PDE4D: variants seen among roughly 807,000 people sequenced by gnomAD.
PDE4D encodes phosphodiesterase 4D, also known as 3',5'-cyclic-AMP phosphodiesterase 4D.
PDE4D carries 24 observed loss-of-function variants against 87.4 expected under a neutral mutation model. The observed-to-expected ratio is 0.27, with a 90% CI of 0.20 to 0.39. The LOEUF is 0.39. Ranked by LOEUF, PDE4D falls within the 10% of genes least tolerant of loss-of-function variation. The pLI, the probability that PDE4D is intolerant of heterozygous loss-of-function variation, is 1.00. For synonymous variants in PDE4D, 384 were observed against 383.2 expected (o/e 1.00, Z -0.02); for missense variants, 714 against 1,041.0 (o/e 0.69, Z 4.32).
At chr5:59,512,127 A>G (rs555286251) in intron 1 of PDE4D, among the ~76,000 whole-genome samples, 1 of 152,282 alleles carries the variant, frequency 6.6e-6, no homozygotes, top group South Asian at 2.1e-4. Flanking sequence ...TTAATGACTC[A>G]GTGTTAAGTG....
rs187950957 is a variant in PDE4D at position 59,348,989 on chromosome 5, G to A, written c.456-133021C>T. Among the ~76,000 whole-genome samples, 324 of 152,186 alleles carry A rather than the reference G, an allele frequency of 2.1e-3. 2 individuals carry two copies. Among genetic ancestry groups the A allele is most frequent in the African/African-American group, 7.5e-3 (310 of 41,538 alleles). ...CTAGCTACCCAGGAGGCTGTGGCTGGAGGATCCCTTGAGCCTAGGAGTTTG... is the reference window on the plus strand; with the variant it reads ...CTAGCTACCCAGGAGGCTGTGGCTGAAGGATCCCTTGAGCCTAGGAGTTTG... On this transcript the variant is annotated intron_variant, in intron 1 of 14. Coordinates refer to ENST00000340635, the MANE Select transcript of PDE4D (RefSeq NM_001104631.2).
chr5:59,131,255 T>C (rs1296027541), intron 5 of PDE4D, among the ~76,000 whole-genome samples: 1 of 152,206 alleles, frequency 6.6e-6, no homozygotes, highest in Non-Finnish European at 1.5e-5. Context: ...ATTTTGTTTT[T>C]CTTTCCCCTA....
intron 1 of PDE4D, among the ~76,000 whole-genome samples, chr5:59,451,425 C>T (rs962633516): frequency 4.6e-5 from 7 of 152,124 alleles, no homozygotes; most frequent in Admixed American, 6.5e-5. Flanking sequence ...CTGCATCTGC[C>T]TCCTGAGCTC....
intron 1 of PDE4D, among the ~76,000 whole-genome samples, chr5:60,519,979 C>T (rs756274153): frequency 3.9e-5 from 6 of 152,134 alleles, no homozygotes; most frequent in African/African-American, 7.2e-5. Flanking sequence ...CAAAACCAAT[C>T]GTTGAGAGAC....
intron 5 of PDE4D, among the ~76,000 whole-genome samples, chr5:59,148,293 A>G (rs1778961881): frequency 6.6e-6 from 1 of 152,370 alleles, no homozygotes; most frequent in Middle Eastern, 3.4e-3. Flanking sequence ...AAAGTGGGAA[A>G]GAAACACACT....
chr5:59,819,236 C>T (rs1769353748), intron 1 of PDE4D, among the ~76,000 whole-genome samples: 1 of 152,106 alleles, frequency 6.6e-6, no homozygotes, highest in Admixed American at 6.5e-5. Context: ...TGTAAGTTTC[C>T]TAAGGGTGGA....
chr5:59,054,530 C>G (rs1364188698), intron 5 of PDE4D, among the ~76,000 whole-genome samples: 1 of 151,882 alleles, frequency 6.6e-6, no homozygotes, highest in Non-Finnish European at 1.5e-5. Context: ...AAATAATAGT[C>G]ATGGCAAAAT....
intron 1 of PDE4D, among the ~76,000 whole-genome samples, chr5:59,884,295 T>C (rs1297614128): frequency 1.3e-5 from 2 of 150,854 alleles, no homozygotes; most frequent in East Asian, 1.9e-4. Context: ...CACACACATA[T>C]ATATATACAC....
chr5:59,157,755 TC>T (rs1780471517), intron 5 of PDE4D, among the ~76,000 whole-genome samples: 1 of 152,164 alleles, frequency 6.6e-6, no homozygotes, highest in South Asian at 2.1e-4. Context: ...CAATTCTTGC[TC>T]CAGGAAACAT....
At chr5:59,739,516 A>T (rs1451880253) in intron 1 of PDE4D, among the ~76,000 whole-genome samples, 1 of 152,220 alleles carries the variant, frequency 6.6e-6, no homozygotes, top group East Asian at 1.9e-4. Context: ...ATTCTTTTAC[A>T]CTATAAAAAT....
intron 1 of PDE4D, among the ~76,000 whole-genome samples, chr5:59,383,001 C>A (rs186543846): frequency 1.3e-5 from 2 of 152,138 alleles, no homozygotes; most frequent in South Asian, 2.1e-4. Context: ...ATGCTTAGTG[C>A]GGTATCTAAA....
intron 2 of PDE4D, among the ~76,000 whole-genome samples, chr5:60,145,891 A>T (rs1012302670): frequency 6.6e-6 from 1 of 152,204 alleles, no homozygotes; most frequent in Non-Finnish European, 1.5e-5. Context: ...CTTGTGATAC[A>T]TATGTCCAAA....
At chr5:59,706,816 C>T (rs1023366576) in intron 1 of PDE4D, among the ~76,000 whole-genome samples, 3 of 152,124 alleles carry the variant, frequency 2.0e-5, no homozygotes, top group Non-Finnish European at 4.4e-5. Flanking sequence ...CACATATATA[C>T]ATATTTGATA....
chr5:59,097,454 A>G (rs1015321062), intron 5 of PDE4D, among the ~76,000 whole-genome samples: 20 of 152,202 alleles, frequency 1.3e-4, no homozygotes, highest in African/African-American at 4.1e-4. Context: ...CAAAAATCTC[A>G]TCCCTTCTAC....
intron 1 of PDE4D, among the ~76,000 whole-genome samples, chr5:59,663,305 C>T (rs1745551659): frequency 6.6e-6 from 1 of 151,988 alleles, no homozygotes. Flanking sequence ...GCTGGGATTA[C>T]AGGTGCCTGC....
chr5:59,843,874 G>A (rs1743428619), intron 1 of PDE4D, among the ~76,000 whole-genome samples: 1 of 152,046 alleles, frequency 6.6e-6, no homozygotes. Context: ...TGACAAGAAT[G>A]GAATTTTGCT....
At chr5:60,477,608 A>T (rs1167893480) in intron 1 of PDE4D, among the ~76,000 whole-genome samples, 1 of 152,180 alleles carries the variant, frequency 6.6e-6, no homozygotes, top group African/African-American at 2.4e-5. Context: ...ATGTATGCAC[A>T]CTTTGACTCA....
At chr5:60,084,889 G>A (rs1319513096) in intron 2 of PDE4D, among the ~76,000 whole-genome samples, 2 of 152,146 alleles carry the variant, frequency 1.3e-5, no homozygotes, top group East Asian at 1.9e-4. Flanking sequence ...ATCCAGCAAT[G>A]AGGAAATTTA....
intron 1 of PDE4D, among the ~76,000 whole-genome samples, chr5:60,235,562 A>G (rs1233559207): frequency 6.6e-6 from 1 of 151,732 alleles, no homozygotes; most frequent in Non-Finnish European, 1.5e-5. Flanking sequence ...TCTAAACTCA[A>G]CAATGAGAAG....
Sources: gnomAD v4.1 joint callset for allele counts (sites outside exome capture counted in the v4.1 genomes callset) on GRCh38, gnomAD v4.1.1 for gene constraint, MANE v1.5 for transcripts, NCBI Gene and HGNC (gene_info 2026-07-23, HGNC 2026-07-21) for gene names.